Variants in RETREG1 observed in about 807,000 individuals in gnomAD.
RETREG1 encodes the protein reticulophagy regulator 1.
Under a neutral mutation model 54.8 loss-of-function variants are expected in RETREG1, and 44 were observed. That is an observed-to-expected ratio of 0.80 (90% CI 0.63 to 1.03). The LOEUF (loss-of-function observed/expected upper bound fraction) is 1.03. Among genes scored for constraint, RETREG1 ranks in the 50% least tolerant of loss-of-function variants. RETREG1 has a pLI of 0.00. For missense variants in RETREG1, 554 were observed against 605.1 expected (o/e 0.92, Z 0.89); for synonymous variants, 217 against 238.5 (o/e 0.91, Z 0.83).
At position 16,533,855 on chromosome 5, in the gene RETREG1, C is replaced by T. The variant is rs186747666; in HGVS notation, c.458+31908G>A. Among the ~76,000 whole-genome samples the T allele has an allele frequency of 3.3e-3, 508 of 152,302 alleles. 3 individuals carry two copies. Among genetic ancestry groups the T allele is most frequent in the Non-Finnish European group, 5.8e-3 (395 of 68,024 alleles). On this transcript the variant is annotated intron_variant, in intron 3 of 8. Transcript: ENST00000306320. ...GGGCAGCCTAGAGCCTTCACCACTG[C>T]TATTTTGGAAAGTGGATGTATCGAC...
intron 3 of RETREG1, among the ~76,000 whole-genome samples, chr5:16,552,673 C>A (rs1741576424): frequency 6.6e-6 from 1 of 152,112 alleles, no homozygotes; most frequent in South Asian, 2.1e-4. Flanking sequence ...CTTAGTTAGT[C>A]CCTGTTAATT....
At chr5:16,615,543 T>C (rs1184012765) in intron 1 of RETREG1, among the ~76,000 whole-genome samples, 2 of 152,106 alleles carry the variant, frequency 1.3e-5, no homozygotes, top group African/African-American at 4.8e-5. Flanking sequence ...CTTATTTGAG[T>C]GCTCGCATTC....
At position 16,597,802 on chromosome 5, in the gene RETREG1, G is replaced by C. The variant is rs141223708; in HGVS notation, c.320+18850C>G. On this transcript the variant is annotated intron_variant, in intron 1 of 8. Coordinates refer to ENST00000306320, the MANE Select transcript of RETREG1 (RefSeq NM_001034850.3). The surrounding 1 kb of genome is among the most constrained non-coding windows in gnomAD (Gnocchi z 4.3). Reference sequence around the variant, plus strand: ...TGCCAGGGGTTGTTTGTAATGGCCCGTCAGTTCTCCAGGCCTGAAAGAGGT... The same window carrying C: ...TGCCAGGGGTTGTTTGTAATGGCCCCTCAGTTCTCCAGGCCTGAAAGAGGT... Among the ~76,000 whole-genome samples, 1 of 152,064 alleles carries C rather than the reference G, an allele frequency of 6.6e-6. No individual in the cohort carries two copies. Among genetic ancestry groups the C allele is most frequent in the South Asian group, 2.1e-4 (1 of 4,814 alleles).
At chr5:16,508,723 A>G (rs11552776) in intron 3 of RETREG1, 11 of 1,566,962 alleles carry the variant, frequency 7.0e-6, no homozygotes, top group South Asian at 1.2e-5. Context: ...TATCAGGAGG[A>G]AAAAAACCCA....
chr5:16,535,373 A>G (rs1389607087), intron 3 of RETREG1, among the ~76,000 whole-genome samples: 2 of 151,612 alleles, frequency 1.3e-5, no homozygotes, highest in Middle Eastern at 3.2e-3. Context: ...TCCTGCGTGC[A>G]TGGGGCCTTC....
At chr5:16,498,346 A>G (rs1474454747) in intron 3 of RETREG1, among the ~76,000 whole-genome samples, 4 of 152,228 alleles carry the variant, frequency 2.6e-5, no homozygotes, top group Non-Finnish European at 5.9e-5. Context: ...ACTGCAGGCA[A>G]TTTTAACACA....
At chr5:16,544,240 T>C (rs1262513386) in intron 3 of RETREG1, among the ~76,000 whole-genome samples, 1 of 152,186 alleles carries the variant, frequency 6.6e-6, no homozygotes, top group Non-Finnish European at 1.5e-5. Flanking sequence ...CCTCCCAAAG[T>C]GCCGGGATCA....
At chr5:16,571,604 T>C (rs1352095882) in intron 2 of RETREG1, among the ~76,000 whole-genome samples, 1 of 152,206 alleles carries the variant, frequency 6.6e-6, no homozygotes, top group East Asian at 1.9e-4. Flanking sequence ...TAACCATCGC[T>C]TGCTTTTAAA....
At chr5:16,578,003 C>T (rs1189746677) in intron 1 of RETREG1, among the ~76,000 whole-genome samples, 1 of 152,146 alleles carries the variant, frequency 6.6e-6, no homozygotes, top group African/African-American at 2.4e-5. Flanking sequence ...CAGACTCATA[C>T]GTTTTCTTAT....
At chr5:16,564,787 T>C (rs1431647985) in intron 3 of RETREG1, among the ~76,000 whole-genome samples, 1 of 152,140 alleles carries the variant, frequency 6.6e-6, no homozygotes, top group Admixed American at 6.6e-5. Flanking sequence ...GGATTTGAAA[T>C]GAAGGAACAA....
chr5:16,516,047 A>G (rs1221108893), intron 3 of RETREG1, among the ~76,000 whole-genome samples: 2 of 146,570 alleles, frequency 1.4e-5, no homozygotes, highest in Non-Finnish European at 3.0e-5. Flanking sequence ...GTTCCATGTA[A>G]ATAGTTGAAA....
chr5:16,526,178 G>A (rs114025805), intron 3 of RETREG1, among the ~76,000 whole-genome samples: 3,636 of 152,304 alleles, frequency 0.024, 138 homozygotes, highest in African/African-American at 0.083. Flanking sequence ...CCATTGCTGT[G>A]GGTATCAAAT....
chr5:16,570,956 A>G lies in RETREG1; in HGVS notation c.427+1040T>C, dbSNP rs572053579. On this transcript the variant is annotated intron_variant, in intron 2 of 8. Coordinates refer to ENST00000306320, the MANE Select transcript of RETREG1 (RefSeq NM_001034850.3). Reference sequence around the variant, plus strand: ...CAGAAAGCACTAAGGGCACAAAACCAAATTTGTTTGCCTTCCTGGAATCTT... The same window carrying G: ...CAGAAAGCACTAAGGGCACAAAACCGAATTTGTTTGCCTTCCTGGAATCTT... Among the ~76,000 whole-genome samples, 182 of 152,352 alleles carry G rather than the reference A, an allele frequency of 1.2e-3. 1 individual carries two copies. Among genetic ancestry groups the G allele is most frequent in the African/African-American group, 4.3e-3 (177 of 41,582 alleles).
chr5:16,616,389 G>A, intron 1 of RETREG1: 2 of 522,966 alleles, frequency 3.8e-6, no homozygotes, highest in Non-Finnish European at 6.6e-6. Context: ...GTAGGTGCAG[G>A]TGCCTGAGGG....
chr5:16,514,729 A>G (rs1191289147), intron 3 of RETREG1, among the ~76,000 whole-genome samples: 2 of 151,680 alleles, frequency 1.3e-5, no homozygotes, highest in South Asian at 2.1e-4. Flanking sequence ...TATCATTCCT[A>G]TGCCTCTGCG....
At chr5:16,571,929 C>T in intron 2 of RETREG1, 67 bp downstream of exon 2, 5 of 1,226,460 alleles carry the variant, frequency 4.1e-6, no homozygotes, top group Non-Finnish European at 2.4e-6. Context: ...AATATGCCTA[C>T]ACAAAGATCA....
chr5:16,596,444 GA>G (rs1370951232), intron 1 of RETREG1, among the ~76,000 whole-genome samples: 1 of 152,180 alleles, frequency 6.6e-6, no homozygotes, highest in African/African-American at 2.4e-5. Flanking sequence ...CTGACAAGGG[GA>G]AACTGGCACC....
chr5:16,547,177 A>T (rs570341557), intron 3 of RETREG1, among the ~76,000 whole-genome samples: 1 of 152,344 alleles, frequency 6.6e-6, no homozygotes, highest in Admixed American at 6.5e-5. Context: ...CCCAAAGTTT[A>T]AGCAGGAATC....
intron 5 of RETREG1, 64 bp downstream of exon 5, chr5:16,480,945 C>T (rs1738743703): frequency 9.3e-7 from 1 of 1,080,492 alleles, no homozygotes; most frequent in Admixed American, 1.7e-5. Context: ...AACTACAGGT[C>T]TGTTGACCGT....
Sources: gnomAD v4.1 joint callset for allele counts (sites outside exome capture counted in the v4.1 genomes callset) on GRCh38, gnomAD v4.1.1 for gene constraint, Gnocchi (gnomAD v3.1) non-coding constraint, MANE v1.5 for transcripts, NCBI Gene and HGNC (gene_info 2026-07-23, HGNC 2026-07-21) for gene names.